The following WNT2B variants were observed in gnomAD, a reference collection of about 807,000 sequenced individuals.
WNT2B encodes the protein Wnt family member 2B.
A neutral mutation model predicts 40.5 loss-of-function variants in WNT2B; 19 were observed. The ratio of observed to expected loss-of-function variants is 0.47; its 90% CI spans 0.33 to 0.69. The LOEUF (loss-of-function observed/expected upper bound fraction) is 0.69, where lower values mean the gene tolerates loss of function less well. Among genes scored for constraint, WNT2B ranks in the 30% least tolerant of loss-of-function variants. The pLI is 0.02. For missense variants in WNT2B, 467 were observed against 556.4 expected (o/e 0.84, Z 1.62); for synonymous variants, 220 against 211.9 (o/e 1.04, Z -0.33).
chr1:112,502,309 G>T (rs1651984697), intron 1 of WNT2B, among the ~76,000 whole-genome samples: 3 of 152,156 alleles, frequency 2.0e-5, no homozygotes, highest in Admixed American at 2.0e-4. Context: ...CGCGGCCCTG[G>T]GGCCCGCCAG....
rs201348691 is a variant in WNT2B, at chr1:112,526,056, G to A, written c.*5547G>A. The A allele has an allele frequency of 3.7e-6, 6 of 1,614,152 alleles. No individual in the cohort carries two copies. In the Admixed American group the frequency reaches 1.0e-4, roughly 27 times the overall value. On this transcript the variant is annotated 3_prime_UTR_variant, in exon 5 of 5. Coordinates refer to ENST00000369684, the MANE Select transcript of WNT2B (RefSeq NM_024494.3). ...TAGGTCTTCTGACTTCAAATCCTGT[G>A]TATTCTCCTCAAAGCCTGAGGATGC...
upstream of WNT2B, among the ~76,000 whole-genome samples, chr1:112,507,065 C>T (rs552752470): frequency 2.7e-4 from 41 of 152,292 alleles, no homozygotes; most frequent in East Asian, 9.7e-4. Context: ...GGTCCCTGTA[C>T]GGGCTCTGCC....
rs547074897 is a variant in WNT2B at position 112,520,845 on chromosome 1, C to T, written c.*336C>T. 3.4e-5 allele frequency: 10 copies of T among 290,758 alleles called. No individual in the cohort carries two copies. In the South Asian group the frequency reaches 4.8e-4, roughly 14 times the overall value. The allele number at this position is 290,758 out of a possible 1,614,324, so 18.0% of individuals were successfully genotyped here. On this transcript the variant is annotated 3_prime_UTR_variant, in exon 5 of 5. Coordinates refer to ENST00000369684, the MANE Select transcript of WNT2B (RefSeq NM_024494.3). ...TTTTCTTTCCTTTGCACCAGCTTCCCGATACTTCTTGGTGTGCAAGAGGAA... is the reference window on the plus strand; with the variant it reads ...TTTTCTTTCCTTTGCACCAGCTTCCTGATACTTCTTGGTGTGCAAGAGGAA...
chr1:112,476,620 G>T (rs555912058), intron 1 of WNT2B, among the ~76,000 whole-genome samples: 2 of 152,260 alleles, frequency 1.3e-5, no homozygotes, highest in East Asian at 3.9e-4. Flanking sequence ...GCATCTCCTG[G>T]ACACAACCCA....
chr1:112,509,370 G>T lies in WNT2B; in HGVS notation c.108G>T (p.Ser36=). The T allele has an allele frequency of 6.3e-7, 1 of 1,596,000 alleles. No individual in the cohort carries two copies. The change falls in exon 1 of 5, where the codon TCG becomes TCT. Residue 36 remains serine, a synonymous_variant. Coordinates refer to ENST00000369684, the MANE Select transcript of WNT2B (RefSeq NM_024494.3). This position sits in a 1 kb window ranked among gnomAD's most constrained non-coding sequence, Gnocchi z 4.2. ...SPAAPDGSRA[S]ARLGLACLLL... is the part of the protein sequence containing the mutation. ...CGGCCCCCGACGGCTCCCGGGCTTC[G>T]GCCCGCCTAGGTCTTGCCTGCCTTC...
At chr1:112,490,452 T>G (rs1321415069) in intron 1 of WNT2B, among the ~76,000 whole-genome samples, 2 of 151,948 alleles carry the variant, frequency 1.3e-5, no homozygotes, top group African/African-American at 4.8e-5. Context: ...GAGAGAGAGA[T>G]AAGAGAACAA....
In WNT2B at chr1:112,514,964, C is replaced by T. The variant is rs555868721; in HGVS notation, c.273C>T (p.Asp91=). 14 of 1,614,240 alleles carry T rather than the reference C, an allele frequency of 8.7e-6. No homozygotes were observed. In the South Asian group the frequency reaches 1.4e-4, roughly 16 times the overall value. The part of the protein sequence containing the change: ...RQRQLCQRYP[D]IMRSVGEGAR... ...GGCAGCTGTGCCAGCGTTACCCAGA[C>T]ATCATGCGTTCAGTGGGCGAGGGTG... The change falls in exon 2 of 5, where the codon GAC becomes GAT. Residue 91 remains aspartate (D), a synonymous_variant. Coordinates refer to ENST00000369684, the MANE Select transcript of WNT2B (RefSeq NM_024494.3).
At chr1:112,474,216 A>T (rs936246739) in intron 1 of WNT2B, among the ~76,000 whole-genome samples, 3 of 151,928 alleles carry the variant, frequency 2.0e-5, no homozygotes, top group Non-Finnish European at 4.4e-5. Flanking sequence ...CACAATCTCG[A>T]CTCACTGCAA....
rs113309659 is a variant in WNT2B, at chr1:112,520,943, C to T, written c.*434C>T. ...ATGGGACAAAGATGAATGGCATGTC[C>T]CTTCTCTGAAGTCCGTTTGAGCAGA... On this transcript the variant is annotated 3_prime_UTR_variant, in exon 5 of 5. Coordinates refer to ENST00000369684, the MANE Select transcript of WNT2B (RefSeq NM_024494.3). 6.9e-4 allele frequency: 119 copies of T among 173,714 alleles called. No individual in the cohort carries two copies. The highest frequency in any genetic ancestry group is 1.9e-3 in the South Asian group (13 of 6,680). 10.8% of individuals were successfully genotyped at this position (173,714 alleles called of 1,614,324 possible). A position where few individuals can be genotyped will look rare whatever the true frequency, so the allele number is the denominator to read the frequency against.
chr1:112,518,272 A>T (rs914404062), intron 4 of WNT2B: 1 of 152,222 alleles, frequency 6.6e-6, no homozygotes, highest in East Asian at 1.9e-4. Context: ...GGAACATGCA[A>T]TGCAGCAGAA....
intron 1 of WNT2B, among the ~76,000 whole-genome samples, chr1:112,511,811 T>C (rs1488054402): frequency 6.6e-6 from 1 of 152,250 alleles, no homozygotes; most frequent in Non-Finnish European, 1.5e-5. Flanking sequence ...TTGTTAGCAC[T>C]ACTTTTACCA....
intron 1 of WNT2B, among the ~76,000 whole-genome samples, chr1:112,480,144 G>A (rs1241823905): frequency 6.6e-6 from 1 of 152,098 alleles, no homozygotes; most frequent in Non-Finnish European, 1.5e-5. Context: ...CAGATCACTT[G>A]AGGTCTGAGG....
intron 1 of WNT2B, among the ~76,000 whole-genome samples, chr1:112,487,714 C>T (rs2101061729): frequency 6.6e-6 from 1 of 152,146 alleles, no homozygotes; most frequent in Middle Eastern, 3.4e-3. Flanking sequence ...GGGTGGATTG[C>T]TTGAGGTCAG....
At chr1:112,473,813 T>G (rs1265404717) in intron 1 of WNT2B, among the ~76,000 whole-genome samples, 2 of 151,624 alleles carry the variant, frequency 1.3e-5, no homozygotes, top group African/African-American at 4.8e-5. Flanking sequence ...TCCCAGCACT[T>G]TGGGAGGCCG....
chr1:112,522,283 GCCTT>G lies in WNT2B; in HGVS notation c.*1777_*1780del, dbSNP rs2101107325. ...GGTCTCAAGCAATCCTCCCACTGCA[GCCTT>G]CCAAAGTGCTGGGCGTACAAGCGCA... is the stretch of plus-strand genomic sequence containing the variant. On this transcript the variant is annotated 3_prime_UTR_variant, in exon 5 of 5. Coordinates refer to ENST00000369684, the MANE Select transcript of WNT2B (RefSeq NM_024494.3). 6.6e-6 allele frequency: 1 copy of G among 152,386 alleles called. No homozygotes were observed. The highest frequency in any genetic ancestry group is 6.5e-5 in the Admixed American group (1 of 15,306). 9.4% of individuals were successfully genotyped at this position (152,386 alleles called of 1,614,324 possible).
At position 112,509,966 on chromosome 1, in the gene WNT2B, C is replaced by T. The variant is rs1030058492; in HGVS notation, c.182+522C>T. On this transcript the variant is annotated intron_variant, in intron 1 of 4. Transcript: ENST00000369684. This position sits in a 1 kb window ranked among gnomAD's most constrained non-coding sequence, Gnocchi z 4.2. ...CGAGGCAAAATTTACCCCATTAACTCCCACAATTAAAACAAACAAAACGCA... is the reference window on the plus strand; with the variant it reads ...CGAGGCAAAATTTACCCCATTAACTTCCACAATTAAAACAAACAAAACGCA... Among the ~76,000 whole-genome samples, 8 of 152,150 alleles carry T rather than the reference C, an allele frequency of 5.3e-5. No individual in the cohort carries two copies. Among genetic ancestry groups the T allele is most frequent in the Admixed American group, 5.2e-4 (8 of 15,280 alleles).
chr1:112,475,491 T>A (rs991786188), intron 1 of WNT2B, among the ~76,000 whole-genome samples: 2 of 152,218 alleles, frequency 1.3e-5, no homozygotes, highest in African/African-American at 4.8e-5. Flanking sequence ...TAAAGAGTTA[T>A]CACAGTGTAT....
rs12097129 is a variant in WNT2B at position 112,511,797 on chromosome 1, C to T, written c.182+2353C>T. ...AAGGGAGAGAAACACAAAGTGGTATCATATTGTTAGCACTACTTTTACCAA... is the reference window on the plus strand; with the variant it reads ...AAGGGAGAGAAACACAAAGTGGTATTATATTGTTAGCACTACTTTTACCAA... On this transcript the variant is annotated intron_variant, in intron 1 of 4. Transcript: ENST00000369684. 5.2e-3 allele frequency among the ~76,000 whole-genome samples: 795 copies of T among 152,340 alleles called. 12 individuals are homozygous for T. The highest frequency in any genetic ancestry group is 0.018 in the African/African-American group (758 of 41,560).
chr1:112,517,300 C>A lies in WNT2B; in HGVS notation c.861C>A (p.Ala287=), dbSNP rs1255753420. 4.3e-6 allele frequency: 7 copies of A among 1,614,234 alleles called. No homozygotes were observed. The highest frequency in any genetic ancestry group is 5.9e-6 in the Non-Finnish European group (7 of 1,180,028). Residue 287 remains alanine (A), a synonymous_variant, in exon 4 of 5, where the codon GCC becomes GCA. Coordinates refer to ENST00000369684, the MANE Select transcript of WNT2B (RefSeq NM_024494.3). ...AAGATGGTGCCAACTTCACCGCAGC[C>A]CGCCAAGGCTATCGCCGTGCCACCC... The part of the protein sequence containing the change: ...ATQDGANFTA[A]RQGYRRATRT...
Sources: gnomAD v4.1 joint callset for allele counts (sites outside exome capture counted in the v4.1 genomes callset) on GRCh38, gnomAD v4.1.1 for gene constraint, Gnocchi (gnomAD v3.1) non-coding constraint, MANE v1.5 for transcripts, NCBI Gene and HGNC (gene_info 2026-07-23, HGNC 2026-07-21) for gene names.